Variants in TLK1 observed in about 807,000 individuals in gnomAD.
TLK1 encodes the protein serine/threonine-protein kinase tousled-like 1.
In TLK1, 24 loss-of-function variants were observed where a neutral mutation model predicts 105.3. The ratio of observed to expected loss-of-function variants is 0.23; its 90% CI spans 0.17 to 0.32. The LOEUF (loss-of-function observed/expected upper bound fraction) is 0.32. Ranked by LOEUF, TLK1 falls within the 10% of genes least tolerant of loss-of-function variation. TLK1 has a pLI of 1.00. For missense variants in TLK1, 558 were observed against 910.5 expected, an observed-to-expected ratio of 0.61 and a Z score of 4.98; for synonymous variants, 321 against 310.4, an observed-to-expected ratio of 1.03 and a Z score of -0.36.
chr2:171,073,536 A>G (rs1688356688), intron 3 of TLK1, among the ~76,000 whole-genome samples: 2 of 152,156 alleles, frequency 1.3e-5, no homozygotes, highest in Admixed American at 1.3e-4. Context: ...ACCTTTATGG[A>G]AACAGATGTA....
chr2:171,196,122 G>T (rs1267836784), intron 1 of TLK1, among the ~76,000 whole-genome samples: 5 of 141,184 alleles, frequency 3.5e-5, no homozygotes, highest in East Asian at 2.0e-4. Context: ...ATTGTAGCTG[G>T]TTTTTTTTTT....
chr2:171,196,522 G>A (rs1449157563), intron 1 of TLK1, among the ~76,000 whole-genome samples: 1 of 152,140 alleles, frequency 6.6e-6, no homozygotes, highest in Non-Finnish European at 1.5e-5. Context: ...TTTTAAAAAT[G>A]TTCTCAAAAA....
chr2:171,017,972 C>T (rs1040393562), intron 12 of TLK1, among the ~76,000 whole-genome samples: 4 of 152,200 alleles, frequency 2.6e-5, no homozygotes, highest in Non-Finnish European at 5.9e-5. Context: ...GGAAAGGTAA[C>T]TCTGCTACGC....
rs71401413 is a variant in TLK1 at position 171,227,568 on chromosome 2, C to CTTTTTTTTTTTTTT, written c.-6+3563_-6+3576dup. Among the ~76,000 whole-genome samples the CTTTTTTTTTTTTTT allele has an allele frequency of 9.5e-4, 53 of 55,518 alleles. 5 individuals are homozygous for CTTTTTTTTTTTTTT. The highest frequency in any genetic ancestry group is 2.5e-3 in the South Asian group (3 of 1,188). 36.4% of individuals were successfully genotyped at this position (55,518 alleles called of 152,430 possible). ...AGTTAGTCATGAGTTAGTAAATCTC[C>CTTTTTTTTTTTTTT]TTTTTTTTTTTTTTTTTTTTTTTTT... On this transcript the variant is annotated intron_variant, in intron 1 of 20. Coordinates refer to the TLK1 transcript ENST00000521943.
chr2:171,178,410 T>C (rs1007478988), intron 1 of TLK1, among the ~76,000 whole-genome samples: 4 of 152,198 alleles, frequency 2.6e-5, no homozygotes, highest in East Asian at 1.9e-4. Flanking sequence ...GTCATGGAGC[T>C]TTCAGTTACA....
upstream of TLK1, among the ~76,000 whole-genome samples, chr2:171,164,525 A>C (rs1047834481): frequency 7.9e-5 from 12 of 152,154 alleles, no homozygotes; most frequent in African/African-American, 2.9e-4. Context: ...TGCCCCAAAA[A>C]GTTAATAATA....
chr2:171,158,954 G>A (rs957014504), intron 1 of TLK1, among the ~76,000 whole-genome samples: 14 of 152,152 alleles, frequency 9.2e-5, no homozygotes, highest in Non-Finnish European at 1.0e-4. Flanking sequence ...GAATTTTCTA[G>A]AGCATATTCA....
At chr2:171,097,791 G>A (rs554816229) in intron 2 of TLK1, among the ~76,000 whole-genome samples, 107 of 152,160 alleles carry the variant, frequency 7.0e-4, no homozygotes, top group Admixed American at 2.5e-3. Flanking sequence ...GGGTGTTGAC[G>A]GCGGGTGCCC....
intron 2 of TLK1, among the ~76,000 whole-genome samples, chr2:171,111,078 T>C (rs1055617779): frequency 6.6e-6 from 1 of 151,374 alleles, no homozygotes; most frequent in Non-Finnish European, 1.5e-5. Context: ...AAAAAAACAG[T>C]GAAAAAAATT....
intron 1 of TLK1, among the ~76,000 whole-genome samples, chr2:171,215,617 A>C (rs540046721): frequency 2.3e-4 from 35 of 152,358 alleles, no homozygotes; most frequent in Non-Finnish European, 4.0e-4. Flanking sequence ...AGGCTTCCCT[A>C]ATAGTGATAT....
intron 1 of TLK1, among the ~76,000 whole-genome samples, chr2:171,226,827 A>G (rs1353025822): frequency 1.3e-5 from 2 of 152,048 alleles, no homozygotes; most frequent in Non-Finnish European, 2.9e-5. Flanking sequence ...GAATGAAACT[A>G]CTCTTATGTA....
intron 20 of TLK1, 63 bp from the exon 21 acceptor site, chr2:170,994,019 C>T: frequency 6.7e-7 from 1 of 1,486,202 alleles, no homozygotes; most frequent in Non-Finnish European, 9.0e-7. Flanking sequence ...TATCAATCAA[C>T]TGAATCAGCA....
intron 2 of TLK1, among the ~76,000 whole-genome samples, chr2:171,101,481 A>G (rs534866686): frequency 2.4e-4 from 37 of 152,248 alleles, no homozygotes; most frequent in Non-Finnish European, 4.3e-4. Context: ...AGTGTAGGCT[A>G]GGGAAGAAGG....
chr2:171,118,741 A>G (rs149218934), intron 1 of TLK1, among the ~76,000 whole-genome samples: 247 of 152,344 alleles, frequency 1.6e-3, no homozygotes, highest in African/African-American at 5.8e-3. Flanking sequence ...GCAGGTAAGG[A>G]TATTACCAGA....
chr2:171,169,458 ATATC>A lies in TLK1; in HGVS notation c.-5-51605_-5-51602del, dbSNP rs1476501929. Among the ~76,000 whole-genome samples, 216 of 152,284 alleles carry A rather than the reference ATATC, an allele frequency of 1.4e-3. 1 individual carries two copies. The highest frequency in any genetic ancestry group is 1.8e-4 in the Non-Finnish European group (12 of 68,032). On this transcript the variant is annotated intron_variant, in intron 1 of 20. Coordinates refer to the TLK1 transcript ENST00000521943. ...TATAACAAAAAGAATGAAAGGAAAT[ATATC>A]AAAATATTTTTATTACCAGTTCTCA...
intron 14 of TLK1, among the ~76,000 whole-genome samples, chr2:171,010,791 A>G (rs1009112212): frequency 5.3e-5 from 8 of 152,180 alleles, no homozygotes; most frequent in African/African-American, 9.7e-5. Context: ...CAATCTTTCT[A>G]TAAGTGTACT....
intron 1 of TLK1, among the ~76,000 whole-genome samples, chr2:171,207,379 T>G (rs73019114): frequency 0.012 from 1,805 of 152,348 alleles, 38 homozygotes; most frequent in African/African-American, 0.041. Flanking sequence ...AGTAAGTGCA[T>G]TAGCAGGAAG....
chr2:171,006,330 ATAACT>A (rs771907261), intron 17 of TLK1, 48 bp from the exon 18 acceptor site: 2 of 1,501,960 alleles, frequency 1.3e-6, no homozygotes, highest in African/African-American at 2.8e-5. Context: ...CATGAAAAAC[ATAACT>A]TTAATAACTT....
Position 170,992,362 on chromosome 2 carries a change from A to G in TLK1, c.*1418T>C, listed in dbSNP as rs1657638208. On this transcript the variant is annotated 3_prime_UTR_variant, in exon 21 of 21. Transcript: ENST00000431350. ...TTTTTCTGCAACATGAACAACTTAC[A>G]TGTAAGTATCAGCATTATGAATGTG... The G allele has an allele frequency of 6.6e-6, 1 of 152,462 alleles. No homozygotes were observed. The highest frequency in any genetic ancestry group is 1.5e-5 in the Non-Finnish European group (1 of 68,010). 9.4% of individuals were successfully genotyped at this position (152,462 alleles called of 1,614,324 possible). A position where few individuals can be genotyped will look rare whatever the true frequency, so the allele number is the denominator to read the frequency against.
Sources: allele counts gnomAD v4.1 joint callset (sites outside exome capture counted in the v4.1 genomes callset), GRCh38; gene constraint gnomAD v4.1.1; transcripts MANE v1.5; gene names NCBI Gene and HGNC (gene_info 2026-07-23, HGNC 2026-07-21).